GABRA6: variants seen among roughly 807,000 people sequenced by gnomAD.
The protein encoded by GABRA6 is gamma-aminobutyric acid type A receptor subunit alpha6.
GABRA6 carries 45 observed loss-of-function variants against 47.3 expected under a neutral mutation model. The ratio of observed to expected loss-of-function variants is 0.95; its 90% CI spans 0.75 to 1.22. GABRA6 has a LOEUF of 1.22. Among genes scored for constraint, GABRA6 ranks in the 50% most tolerant of loss-of-function variants. GABRA6 has a pLI of 0.00. For missense variants in GABRA6, 583 were observed against 549.3 expected (o/e 1.06, Z -0.61); for synonymous variants, 219 against 194.7 (o/e 1.12, Z -1.04).
At chr5:161,698,043 A>C (rs1368544229) in intron 8 of GABRA6, among the ~76,000 whole-genome samples, 1 of 152,198 alleles carries the variant, frequency 6.6e-6, no homozygotes, top group East Asian at 1.9e-4. Context: ...CATAATCATA[A>C]AACTTTTCAT....
rs745405006 is a variant in GABRA6 at position 161,701,472 on chromosome 5, G to T, written c.1087-26G>T. The T allele has an allele frequency of 4.3e-6, 7 of 1,611,842 alleles. No individual in the cohort carries two copies. In the South Asian group the frequency reaches 7.7e-5, roughly 18 times the overall value. ...AAGCAATATCTATTCTTTCATTTGG[G>T]CTTAATATTTGTCTTTTTTCCACAG... On this transcript the variant is annotated intron_variant, in intron 8 of 8. Coordinates refer to ENST00000274545, the MANE Select transcript of GABRA6 (RefSeq NM_000811.3).
chr5:161,701,477 A>G, intron 8 of GABRA6, 21 bp from the exon 9 acceptor site: 1 of 1,613,290 alleles, frequency 6.2e-7, no homozygotes. Flanking sequence ...TTTGGGCTTA[A>G]TATTTGTCTT....
chr5:161,690,722 C>A (rs955495834), intron 7 of GABRA6, among the ~76,000 whole-genome samples: 1 of 152,084 alleles, frequency 6.6e-6, no homozygotes, highest in East Asian at 1.9e-4. Context: ...GTTGTATACC[C>A]CTTTTATTAG....
intron 2 of GABRA6, among the ~76,000 whole-genome samples, chr5:161,686,661 C>T: frequency 6.6e-6 from 1 of 152,136 alleles, no homozygotes. Context: ...CCCATTAAAG[C>T]CATCAATATA....
In GABRA6 at chr5:161,689,049, G is replaced by A. The variant is rs766101763; in HGVS notation, c.326G>A (p.Ser109Asn). ...CTGAGTCTGAATAATTTGATGGTCA[G>A]TAAAATCTGGACGCCTGACACCTTT... Reference protein sequence around the residue: ...EILSLNNLMVSKIWTPDTFFR... With the variant: ...EILSLNNLMVNKIWTPDTFFR... Residue 109 changes from serine to asparagine, a missense_variant, in exon 4 of 9, where the codon AGT (serine) becomes AAT (asparagine). Ser to Asn is a conservative substitution (Grantham distance 46). Coordinates refer to ENST00000274545, the MANE Select transcript of GABRA6 (RefSeq NM_000811.3). 23 of 1,613,940 alleles carry A rather than the reference G, an allele frequency of 1.4e-5. No individual in the cohort carries two copies. Among genetic ancestry groups the A allele is most frequent in the Non-Finnish European group, 1.9e-5 (22 of 1,179,966 alleles).
At chr5:161,700,391 C>A (rs1405875717) in intron 8 of GABRA6, among the ~76,000 whole-genome samples, 1 of 152,190 alleles carries the variant, frequency 6.6e-6, no homozygotes, top group East Asian at 1.9e-4. Flanking sequence ...CAAAGACAAG[C>A]TAGCCACAAG....
intron 8 of GABRA6, among the ~76,000 whole-genome samples, chr5:161,697,616 G>A (rs1463938558): frequency 1.3e-5 from 2 of 152,140 alleles, no homozygotes; most frequent in African/African-American, 2.4e-5. Context: ...TTGAGGTGGA[G>A]GTGGCTAATG....
At position 161,689,077 on chromosome 5, in the gene GABRA6, C is replaced by T. The variant is rs370995567; in HGVS notation, c.354C>T (p.Phe118=). ...AAATCTGGACGCCTGACACCTTTTTCAGAAATGGTAAAAAGTCCATTGCTC... is the reference window on the plus strand; with the variant it reads ...AAATCTGGACGCCTGACACCTTTTTTAGAAATGGTAAAAAGTCCATTGCTC... The part of the protein sequence containing the change: ...VSKIWTPDTF[F]RNGKKSIAHN... The change falls in exon 4 of 9, where the codon TTC becomes TTT. Residue 118 remains phenylalanine, a synonymous_variant. Coordinates refer to ENST00000274545, the MANE Select transcript of GABRA6 (RefSeq NM_000811.3). 27 of 1,613,904 alleles carry T rather than the reference C, an allele frequency of 1.7e-5. No homozygotes were observed. The highest frequency in any genetic ancestry group is 2.3e-5 in the Non-Finnish European group (27 of 1,179,958).
intron 7 of GABRA6, 131 bp downstream of exon 7, chr5:161,690,484 A>G (rs1754772758): frequency 1.1e-6 from 1 of 938,300 alleles, no homozygotes; most frequent in Non-Finnish European, 1.7e-6. Context: ...TCATCCAGAC[A>G]TATGTATCAT....
At chr5:161,694,908 G>C (rs1352400707) in intron 8 of GABRA6, among the ~76,000 whole-genome samples, 2 of 152,022 alleles carry the variant, frequency 1.3e-5, no homozygotes, top group African/African-American at 2.4e-5. Context: ...ATGATATAGA[G>C]GAACAAACAT....
chr5:161,698,237 G>C (rs1460182525), intron 8 of GABRA6, among the ~76,000 whole-genome samples: 6 of 152,084 alleles, frequency 3.9e-5, no homozygotes, highest in African/African-American at 1.4e-4. Flanking sequence ...TAGGAAAGGA[G>C]ATAAGCCACA....
At position 161,701,642 on chromosome 5, in the gene GABRA6, T is replaced by A; in HGVS notation, c.1231T>A (p.Phe411Ile). The A allele has an allele frequency of 6.2e-7, 1 of 1,614,168 alleles. No homozygotes were observed. Among genetic ancestry groups the A allele is most frequent in the Non-Finnish European group, 8.5e-7 (1 of 1,180,030 alleles). ...CACACCCCCACCACTCTCGCCAGCC[T>A]TTGGAGGCACCAGTAAAATAGACCA... ...PVTPPPLSPA[F>I]GGTSKIDQYS... The change falls in exon 9 of 9, where the codon TTT becomes ATT. Residue 411 changes from phenylalanine (F) to isoleucine (I), a missense_variant. Physicochemically the swap from Phe to Ile is conservative, Grantham distance 21 (BLOSUM62 0). Transcript: ENST00000274545.
intron 8 of GABRA6, among the ~76,000 whole-genome samples, chr5:161,699,788 A>G (rs1754946991): frequency 6.6e-6 from 1 of 151,900 alleles, no homozygotes; most frequent in African/African-American, 2.4e-5. Context: ...AGTTTCCCTC[A>G]TCTCCTCTTC....
Position 161,685,863 on chromosome 5 carries a change from T to G in GABRA6, c.-127T>G. 1 of 828,004 alleles carries G rather than the reference T, an allele frequency of 1.2e-6. No individual in the cohort carries two copies. The highest frequency in any genetic ancestry group is 1.4e-5 in the South Asian group (1 of 73,848). The allele number at this position is 828,004 out of a possible 1,614,324, so 51.3% of individuals were successfully genotyped here. On this transcript the variant is annotated 5_prime_UTR_variant, in exon 1 of 9. Coordinates refer to ENST00000274545, the MANE Select transcript of GABRA6 (RefSeq NM_000811.3). ...CCTCTTTATCTATTGGATTACTGAC[T>G]TGAGGCAAACAAGGAACAGAGATAT...
At chr5:161,701,368 A>C (rs1754977121) in intron 8 of GABRA6, 130 bp from the exon 9 acceptor site, 1 of 966,470 alleles carries the variant, frequency 1.0e-6, no homozygotes, top group African/African-American at 1.6e-5. Context: ...TTAAGAATTC[A>C]TTGATGTTTG....
intron 7 of GABRA6, 129 bp from the exon 8 acceptor site, chr5:161,691,812 C>T (rs1754797076): frequency 2.6e-6 from 2 of 778,330 alleles, no homozygotes; most frequent in Non-Finnish European, 4.3e-6. Context: ...AATTATAATA[C>T]AAAAAATATT....
intron 6 of GABRA6, 131 bp from the exon 7 acceptor site, chr5:161,690,070 A>G (rs1754765990): frequency 1.2e-6 from 1 of 862,990 alleles, no homozygotes; most frequent in Non-Finnish European, 1.9e-6. Context: ...GCTTTCTCAT[A>G]TACTGAAATG....
At chr5:161,698,407 G>T (rs1048546489) in intron 8 of GABRA6, among the ~76,000 whole-genome samples, 4 of 152,050 alleles carry the variant, frequency 2.6e-5, no homozygotes, top group African/African-American at 9.7e-5. Flanking sequence ...GGTGGCAGGT[G>T]GATGTTATTT....
rs199707972 is a variant in GABRA6 at position 161,687,051 on chromosome 5, G to A, written c.225+48G>A. On this transcript the variant is annotated intron_variant, in intron 3 of 8. Transcript: ENST00000274545. ...GGGTGTTTTCATTTCGGGGAGGAGA[G>A]TGGAGTCCCAAAACTAATGATAATG... 2.1e-4 allele frequency: 315 copies of A among 1,490,248 alleles called. 1 individual carries two copies. In the African/African-American group the frequency reaches 3.7e-3, roughly 17 times the overall value. 92.3% of individuals were successfully genotyped at this position (1,490,248 alleles called of 1,614,324 possible).
Sources: gnomAD v4.1 joint callset for allele counts (sites outside exome capture counted in the v4.1 genomes callset) on GRCh38, gnomAD v4.1.1 for gene constraint, MANE v1.5 for transcripts, NCBI Gene and HGNC (gene_info 2026-07-23, HGNC 2026-07-21) for gene names.